The following SERTAD2 variants were observed in gnomAD, a reference collection of about 807,000 sequenced individuals.
The protein encoded by SERTAD2 is SERTA domain-containing protein 2.
In SERTAD2, 2 loss-of-function variants were observed where a neutral mutation model predicts 15.4. The observed-to-expected ratio is 0.13, with a 90% CI of 0.05 to 0.41. SERTAD2 has a LOEUF of 0.41. SERTAD2 is among the 10% of genes least tolerant of loss of function. SERTAD2 has a pLI of 0.99. For missense variants in SERTAD2, 333 were observed against 409.7 expected (o/e 0.81, Z 1.62); for synonymous variants, 180 against 178.0 (o/e 1.01, Z -0.09).
intron 1 of SERTAD2, among the ~76,000 whole-genome samples, chr2:64,640,676 C>A (rs530125588): frequency 6.6e-6 from 1 of 152,206 alleles, no homozygotes; most frequent in East Asian, 1.9e-4. Context: ...GAAAGGGGGG[C>A]CTGTGACCCA....
intron 1 of SERTAD2, among the ~76,000 whole-genome samples, chr2:64,652,345 TCG>T (rs1675030525): frequency 6.6e-6 from 1 of 152,006 alleles, no homozygotes; most frequent in African/African-American, 2.4e-5. Flanking sequence ...CCAACCCCCA[TCG>T]GCCAAGCAGC....
chr2:64,649,370 T>G (rs955365225), intron 1 of SERTAD2, among the ~76,000 whole-genome samples: 1 of 152,236 alleles, frequency 6.6e-6, no homozygotes, highest in Non-Finnish European at 1.5e-5. Context: ...CATTTAGTGT[T>G]TTTGACCATG....
intron 1 of SERTAD2, among the ~76,000 whole-genome samples, chr2:64,638,931 T>G (rs112326773): frequency 2.6e-5 from 4 of 152,290 alleles, no homozygotes; most frequent in African/African-American, 7.2e-5. Context: ...CATCTCATAT[T>G]GCAAAACGTT....
rs752600939 is a variant in SERTAD2, at chr2:64,636,411, G to C, written c.461C>G (p.Pro154Arg). The C allele has an allele frequency of 6.2e-7, 1 of 1,614,212 alleles. No individual in the cohort carries two copies. The highest frequency in any genetic ancestry group is 1.1e-5 in the South Asian group (1 of 91,078). The change falls in exon 2 of 2, where the codon CCC becomes CGC. Residue 154 changes from proline (P) to arginine (R), a missense_variant. Transcript: ENST00000313349. ...GAGGGCTGGAGGTGACAGTTTGGTG[G>C]GAGCCGTGGGCTGCATGGCCTGGGA... ...CTSQAMQPTA[P>R]TKLSPPALLP...
At chr2:64,648,008 G>A (rs771595690) in intron 1 of SERTAD2, among the ~76,000 whole-genome samples, 6 of 152,062 alleles carry the variant, frequency 3.9e-5, no homozygotes, top group African/African-American at 7.2e-5. Flanking sequence ...TAACTTATCC[G>A]TGCAGTCCAA....
chr2:64,652,607 G>C (rs965727741), intron 1 of SERTAD2, among the ~76,000 whole-genome samples: 1 of 152,210 alleles, frequency 6.6e-6, no homozygotes, highest in African/African-American at 2.4e-5. Context: ...AAGCCCAACT[G>C]AGGCTGCCCA....
At position 64,634,109 on chromosome 2, in the gene SERTAD2, A is replaced by AGACAACAACAACAAC. The variant is rs1212932107; in HGVS notation, c.*1803_*1817dup. Reference sequence around the variant, plus strand: ...AATATTGACAAATGACCAACAACAAAGACAACAACAACAACAAAACATCCC... The same window carrying AGACAACAACAACAAC: ...AATATTGACAAATGACCAACAACAAAGACAACAACAACAACGACAACAACAACAACAAAACATCCC... On this transcript the variant is annotated 3_prime_UTR_variant, in exon 2 of 2. Coordinates refer to ENST00000313349, the MANE Select transcript of SERTAD2 (RefSeq NM_014755.3). 6.6e-6 allele frequency: 1 copy of AGACAACAACAACAAC among 152,518 alleles called. No homozygotes were observed. The highest frequency in any genetic ancestry group is 1.5e-5 in the Non-Finnish European group (1 of 68,040). The allele number at this position is 152,518 out of a possible 1,614,324, so 9.4% of individuals were successfully genotyped here.
chr2:64,636,971 C>T (rs553505311), intron 1 of SERTAD2, 96 bp from the exon 2 acceptor site: 13 of 828,916 alleles, frequency 1.6e-5, no homozygotes, highest in Non-Finnish European at 2.3e-5. Context: ...ACTTGGACCT[C>T]AGTTTCCTGC....
In SERTAD2 at chr2:64,632,845, T is replaced by C. The variant is rs187917888; in HGVS notation, c.*3082A>G. ...TTAGCGCTCCACAGTAAAATAAATA[T>C]ATTTACACAGAAAAAAGGAATAAAT... is the stretch of plus-strand genomic sequence containing the variant. On this transcript the variant is annotated 3_prime_UTR_variant, in exon 2 of 2. Transcript: ENST00000313349. The C allele has an allele frequency of 1.3e-5, 2 of 151,624 alleles. No homozygotes were observed. The highest frequency in any genetic ancestry group is 2.1e-4 in the South Asian group (1 of 4,744). 9.4% of individuals were successfully genotyped at this position (151,624 alleles called of 1,614,324 possible). A position where few individuals can be genotyped will look rare whatever the true frequency, so the allele number is the denominator to read the frequency against.
chr2:64,647,434 A>C (rs1190683839), intron 1 of SERTAD2, among the ~76,000 whole-genome samples: 2 of 152,196 alleles, frequency 1.3e-5, no homozygotes, highest in Non-Finnish European at 2.9e-5. Context: ...GTGCTTTACT[A>C]GTAAAGACTA....
intron 1 of SERTAD2, 109 bp from the exon 2 acceptor site, chr2:64,636,984 A>G: frequency 1.4e-6 from 1 of 731,800 alleles, no homozygotes; most frequent in South Asian, 1.9e-5. Context: ...TTTCCTGCCC[A>G]GGGTTATTTA....
intron 1 of SERTAD2, among the ~76,000 whole-genome samples, chr2:64,642,274 G>A (rs976897323): frequency 1.3e-5 from 2 of 152,336 alleles, no homozygotes; most frequent in African/African-American, 4.8e-5. Flanking sequence ...TACTGGCCCA[G>A]TGGGGCCCAG....
chr2:64,648,809 T>C (rs1674954702), intron 1 of SERTAD2, among the ~76,000 whole-genome samples: 1 of 152,150 alleles, frequency 6.6e-6, no homozygotes, highest in Non-Finnish European at 1.5e-5. Flanking sequence ...GTGAAACGTA[T>C]TTTATTTTAT....
intron 1 of SERTAD2, among the ~76,000 whole-genome samples, chr2:64,645,238 G>A (rs1406837408): frequency 6.6e-6 from 1 of 152,182 alleles, no homozygotes. Flanking sequence ...TTTGCTGCCG[G>A]CGCCTCCTCC....
chr2:64,647,227 A>G (rs1674920106), intron 1 of SERTAD2, among the ~76,000 whole-genome samples: 1 of 152,230 alleles, frequency 6.6e-6, no homozygotes, highest in African/African-American at 2.4e-5. Flanking sequence ...TGCTCATAAT[A>G]GATGAAATGT....
chr2:64,635,837 A>T lies in SERTAD2; in HGVS notation c.*90T>A. 9.4e-7 allele frequency: 1 copy of T among 1,061,190 alleles called. No individual in the cohort carries two copies. The highest frequency in any genetic ancestry group is 1.4e-6 in the Non-Finnish European group (1 of 718,300). The allele number at this position is 1,061,190 out of a possible 1,614,324, so 65.7% of individuals were successfully genotyped here. ...AATTTTCTTTTTCTCTGAAAAAGGC[A>T]AGCAAGGGTGCATGCACAGTGTGGA... On this transcript the variant is annotated 3_prime_UTR_variant, in exon 2 of 2. Transcript: ENST00000313349.
At chr2:64,645,376 T>TGAA (rs200689371) in intron 1 of SERTAD2, among the ~76,000 whole-genome samples, 1 of 101,136 alleles carries the variant, frequency 9.9e-6, no homozygotes. Context: ...TTCTTGACAG[T>TGAA]GAAGAAGAAG....
intron 1 of SERTAD2, among the ~76,000 whole-genome samples, chr2:64,642,836 T>C (rs1272577975): frequency 2.6e-5 from 4 of 152,248 alleles, no homozygotes; most frequent in Non-Finnish European, 4.4e-5. Context: ...TGCAAAAGTC[T>C]TCACAGATGT....
intron 1 of SERTAD2, among the ~76,000 whole-genome samples, chr2:64,639,431 G>C (rs899452745): frequency 2.0e-5 from 3 of 152,074 alleles, no homozygotes; most frequent in African/African-American, 7.2e-5. Context: ...GAAAGATTGG[G>C]GGGCCAGGGA....
Sources: allele counts gnomAD v4.1 joint callset (sites outside exome capture counted in the v4.1 genomes callset), GRCh38; gene constraint gnomAD v4.1.1; transcripts MANE v1.5; gene names NCBI Gene and HGNC (gene_info 2026-07-23, HGNC 2026-07-21).